The following CFAP54 variants were observed in gnomAD, a reference collection of about 807,000 sequenced individuals.
CFAP54 encodes cilia and flagella associated protein 54, also known as cilia- and flagella-associated protein 54.
Under a neutral mutation model 370.4 loss-of-function variants are expected in CFAP54, and 290 were observed. The ratio of observed to expected loss-of-function variants is 0.78; its 90% CI spans 0.71 to 0.86. CFAP54 has a LOEUF of 0.86. CFAP54 is among the 40% of genes least tolerant of loss of function. The probability of loss-of-function intolerance (pLI) is 0.00; values close to 1 mark genes in which losing one functional copy is unlikely to be tolerated. For missense variants in CFAP54, 3,399 were observed against 3,528.7 expected, an observed-to-expected ratio of 0.96 and a Z score of 0.93; for synonymous variants, 1,206 against 1,236.5, an observed-to-expected ratio of 0.98 and a Z score of 0.52.
chr12:96,845,617 G>A (rs1959320137), intron 66 of CFAP54, among the ~76,000 whole-genome samples: 1 of 152,226 alleles, frequency 6.6e-6, no homozygotes, highest in South Asian at 2.1e-4. Context: ...GGTTGGCAGA[G>A]CCCTTTACTG....
At chr12:96,823,116 G>A (rs1053620711) in intron 65 of CFAP54, among the ~76,000 whole-genome samples, 1 of 116,272 alleles carries the variant, frequency 8.6e-6, no homozygotes, top group Non-Finnish European at 1.8e-5. Context: ...GATCGTGTGT[G>A]TTTGTCTGTG....
intron 17 of CFAP54, among the ~76,000 whole-genome samples, chr12:96,557,414 G>C (rs1955764985): frequency 6.6e-6 from 1 of 152,106 alleles, no homozygotes; most frequent in African/African-American, 2.4e-5. Flanking sequence ...TCTAAATTAT[G>C]ACCCAGCAAT....
intron 33 of CFAP54, chr12:96,646,428 C>T (rs914653659): frequency 1.4e-4 from 22 of 152,092 alleles, no homozygotes; most frequent in Non-Finnish European, 8.8e-5. Context: ...GAATGGCGAT[C>T]ATTAAAAAGT....
intron 48 of CFAP54, among the ~76,000 whole-genome samples, chr12:96,711,897 A>G (rs1957619627): frequency 6.6e-6 from 1 of 152,186 alleles, no homozygotes; most frequent in Non-Finnish European, 1.5e-5. Context: ...GGTGATAGAC[A>G]TTTAGACTGT....
Position 96,764,246 on chromosome 12 carries a change from A to C in CFAP54, c.8136A>C (p.Ala2712=), listed in dbSNP as rs1163832846. Reference sequence around the variant, plus strand: ...CCTGGATTGCAATAAGAGCTGCTGCACAGGTTGGTGTGATTTTTGTTTAAT... The same window carrying C: ...CCTGGATTGCAATAAGAGCTGCTGCCCAGGTTGGTGTGATTTTTGTTTAAT... ...SLAWIAIRAA[A]QVSEAVLAIN... is the part of the protein sequence containing the mutation. The change falls in exon 59 of 68, where the codon GCA becomes GCC. Residue 2712 remains alanine, a synonymous_variant. Transcript: ENST00000524981. 5 of 1,609,180 alleles carry C rather than the reference A, an allele frequency of 3.1e-6. No homozygotes were observed. Among genetic ancestry groups the C allele is most frequent in the Non-Finnish European group, 4.2e-6 (5 of 1,177,022 alleles).
chr12:96,583,786 G>A (rs1418736602), intron 22 of CFAP54, among the ~76,000 whole-genome samples: 1 of 152,160 alleles, frequency 6.6e-6, no homozygotes, highest in Non-Finnish European at 1.5e-5. Flanking sequence ...AGGAAGTCAT[G>A]TATTGGACAC....
intron 27 of CFAP54, among the ~76,000 whole-genome samples, chr12:96,622,518 T>A (rs1264204205): frequency 1.3e-5 from 2 of 152,050 alleles, no homozygotes; most frequent in Non-Finnish European, 2.9e-5. Flanking sequence ...CCTGGCTAAT[T>A]TTTGTATTTT....
intron 42 of CFAP54, 36 bp downstream of exon 42, chr12:96,685,274 A>G (rs1957315278): frequency 6.3e-7 from 1 of 1,591,850 alleles, no homozygotes; most frequent in East Asian, 2.2e-5. Flanking sequence ...CGTACTAGCT[A>G]ACAGCTTCCT....
intron 63 of CFAP54, among the ~76,000 whole-genome samples, chr12:96,799,034 A>G (rs1362148501): frequency 1.3e-5 from 2 of 152,214 alleles, no homozygotes; most frequent in African/African-American, 4.8e-5. Context: ...CCTTATATTT[A>G]TATCCATTAT....
chr12:96,686,272 C>G (rs2136557812), intron 42 of CFAP54, among the ~76,000 whole-genome samples: 1 of 152,276 alleles, frequency 6.6e-6, no homozygotes, highest in South Asian at 2.1e-4. Context: ...GGATACCAGT[C>G]ATATTGGATT....
At chr12:96,648,233 A>G (rs1400540926) in intron 34 of CFAP54, among the ~76,000 whole-genome samples, 23 of 152,172 alleles carry the variant, frequency 1.5e-4, no homozygotes, top group Admixed American at 1.4e-3. Flanking sequence ...TATATTTGGA[A>G]ATATCTATTT....
chr12:96,503,741 CTA>C lies in CFAP54; in HGVS notation c.424-143_424-142del, dbSNP rs201091243. 1.1e-5 allele frequency: 7 copies of C among 641,716 alleles called. No individual in the cohort carries two copies. In the East Asian group the frequency reaches 2.0e-4, roughly 19 times the overall value. 39.8% of individuals were successfully genotyped at this position (641,716 alleles called of 1,614,324 possible). A position where few individuals can be genotyped will look rare whatever the true frequency, so the allele number is the denominator to read the frequency against. On this transcript the variant is annotated intron_variant, in intron 2 of 67. Coordinates refer to ENST00000524981, the MANE Select transcript of CFAP54 (RefSeq NM_001306084.2). ...TGTATAGTGCAGTGTCTCTCACATA[CTA>C]TGTTTTTGGAAAATGGAGCCAGTAG...
intron 26 of CFAP54, among the ~76,000 whole-genome samples, chr12:96,612,513 A>G (rs116417146): frequency 0.033 from 5,041 of 152,280 alleles, 285 homozygotes; most frequent in African/African-American, 0.12. Flanking sequence ...TGATTATAAT[A>G]ACATGATCAA....
intron 65 of CFAP54, among the ~76,000 whole-genome samples, chr12:96,818,375 T>C (rs1958999139): frequency 1.3e-5 from 2 of 152,234 alleles, no homozygotes; most frequent in Non-Finnish European, 2.9e-5. Flanking sequence ...TGCTATTAAG[T>C]CTGGTCACAC....
chr12:96,775,246 G>A (rs532301613), intron 60 of CFAP54, among the ~76,000 whole-genome samples: 23 of 152,238 alleles, frequency 1.5e-4, no homozygotes, highest in Non-Finnish European at 3.1e-4. Flanking sequence ...TGGCCAACAT[G>A]GCGAAACCCC....
intron 60 of CFAP54, among the ~76,000 whole-genome samples, chr12:96,771,691 A>G (rs61420929): frequency 4.6e-5 from 7 of 151,882 alleles, no homozygotes; most frequent in African/African-American, 1.7e-4. Context: ...ACAAAAAAAA[A>G]CCCCACTTTA....
chr12:96,551,495 G>GTGTGTC (rs1955694281), intron 15 of CFAP54, among the ~76,000 whole-genome samples: 1 of 147,614 alleles, frequency 6.8e-6, no homozygotes, highest in South Asian at 2.1e-4. Flanking sequence ...ATGTGTGTGT[G>GTGTGTC]TGTGTGTGTG....
chr12:96,868,359 G>C (rs1269443218), intron 67 of CFAP54, among the ~76,000 whole-genome samples: 2 of 150,300 alleles, frequency 1.3e-5, no homozygotes. Flanking sequence ...CACATTTTTT[G>C]GTCCACTGTA....
intron 20 of CFAP54, among the ~76,000 whole-genome samples, chr12:96,578,623 A>G (rs1440798081): frequency 6.6e-6 from 1 of 152,226 alleles, no homozygotes; most frequent in Non-Finnish European, 1.5e-5. Flanking sequence ...CTATAGTTTT[A>G]GGACTCATCA....
Sources: gnomAD v4.1 joint callset for allele counts (sites outside exome capture counted in the v4.1 genomes callset) on GRCh38, gnomAD v4.1.1 for gene constraint, MANE v1.5 for transcripts, NCBI Gene and HGNC (gene_info 2026-07-23, HGNC 2026-07-21) for gene names.